RAP1GAP2: variants seen among roughly 807,000 people sequenced by gnomAD.
RAP1GAP2 encodes rap1 GTPase-activating protein 2.
Under a neutral mutation model 95.0 loss-of-function variants are expected in RAP1GAP2, and 27 were observed. That is an observed-to-expected ratio of 0.28 (90% confidence interval 0.21 to 0.39). RAP1GAP2 has a LOEUF of 0.39. Ranked by LOEUF, RAP1GAP2 falls within the 10% of genes least tolerant of loss-of-function variation. The pLI, the probability that RAP1GAP2 is intolerant of heterozygous loss-of-function variation, is 1.00. For synonymous variants in RAP1GAP2, 373 were observed against 380.9 expected (o/e 0.98, Z 0.24); for missense variants, 771 against 970.0 (o/e 0.79, Z 2.72).
intron 2 of RAP1GAP2, among the ~76,000 whole-genome samples, chr17:2,891,885 G>A (rs1301557982): frequency 8.5e-6 from 1 of 117,536 alleles, no homozygotes; most frequent in Non-Finnish European, 1.6e-5. Context: ...GTGTAATGAT[G>A]TGATCTCGGC....
rs560705962 is a variant in RAP1GAP2, at chr17:2,853,976, G to A, written c.81-51308G>A. The stretch of plus-strand genomic sequence containing the variant: ...CGGGGACGCGGGCGGGCGAGGTCGG[G>A]CACCGCGGGCGGCCTCGCCATGTCC... On this transcript the variant is annotated intron_variant, in intron 2 of 24. Coordinates refer to ENST00000254695, the MANE Select transcript of RAP1GAP2 (RefSeq NM_015085.5). 5.1e-6 allele frequency: 5 copies of A among 983,972 alleles called. No individual in the cohort carries two copies. In the East Asian group the frequency reaches 5.7e-4, roughly 112 times the overall value. The allele number at this position is 983,972 out of a possible 1,614,324, so 61.0% of individuals were successfully genotyped here. A position where few individuals can be genotyped will look rare whatever the true frequency, so the allele number is the denominator to read the frequency against.
At chr17:2,876,633 G>A (rs957602300) in intron 2 of RAP1GAP2, among the ~76,000 whole-genome samples, 4 of 152,160 alleles carry the variant, frequency 2.6e-5, no homozygotes, top group Non-Finnish European at 4.4e-5. Flanking sequence ...GCAGGTTTCC[G>A]AGAGATGAGA....
At chr17:2,944,678 A>C (rs2043640231) in intron 3 of RAP1GAP2, among the ~76,000 whole-genome samples, 1 of 151,916 alleles carries the variant, frequency 6.6e-6, no homozygotes, top group Non-Finnish European at 1.5e-5. Flanking sequence ...TCCAGCTAGG[A>C]TTCTGATAGA....
Position 2,823,899 on chromosome 17 carries a change from G to A in RAP1GAP2, c.80+23349G>A, listed in dbSNP as rs182501623. ...AGCACTTTGGGAGGCCGAGGCGGGC[G>A]GATCACGAGGTCAGGAGATCGAGAC... On this transcript the variant is annotated intron_variant, in intron 2 of 24. Transcript: ENST00000254695. 5.8e-3 allele frequency among the ~76,000 whole-genome samples: 887 copies of A among 151,736 alleles called. 6 individuals carry two copies. Among genetic ancestry groups the A allele is most frequent in the African/African-American group, 0.019 (798 of 41,374 alleles).
At chr17:2,947,846 C>G (rs1030250038) in intron 3 of RAP1GAP2, among the ~76,000 whole-genome samples, 3 of 152,132 alleles carry the variant, frequency 2.0e-5, no homozygotes, top group African/African-American at 7.2e-5. Context: ...AATCCTTTTC[C>G]TTGGTCATGT....
At chr17:2,953,997 A>G (rs1567817583) in intron 3 of RAP1GAP2, among the ~76,000 whole-genome samples, 1 of 152,090 alleles carries the variant, frequency 6.6e-6, no homozygotes, top group East Asian at 1.9e-4. Flanking sequence ...CCAATCCCCC[A>G]TCCCCCTCAG....
rs35746716 is a variant in RAP1GAP2, at chr17:2,993,827, G to A, written c.915-1510G>A. ...AGGCGGGTGGATCGCTTGAGCCCAG[G>A]AGTTTGAGACCAGCCTGGGCAACAT... is the stretch of plus-strand genomic sequence containing the variant. On this transcript the variant is annotated intron_variant, in intron 12 of 24. Transcript: ENST00000254695. Among the ~76,000 whole-genome samples the A allele has an allele frequency of 3.9e-5, 6 of 152,050 alleles. No individual in the cohort carries two copies. In the South Asian group the frequency reaches 1.2e-3, roughly 32 times the overall value.
In RAP1GAP2 at chr17:2,965,433, TCTTC is replaced by T; in HGVS notation, c.493-103_493-100del. 1.2e-6 allele frequency: 1 copy of T among 814,508 alleles called. No homozygotes were observed. Among genetic ancestry groups the T allele is most frequent in the Non-Finnish European group, 2.0e-6 (1 of 502,694 alleles). The allele number at this position is 814,508 out of a possible 1,614,324, so 50.5% of individuals were successfully genotyped here. A position where few individuals can be genotyped will look rare whatever the true frequency, so the allele number is the denominator to read the frequency against. On this transcript the variant is annotated intron_variant, in intron 7 of 24. Transcript: ENST00000254695. This position sits in a 1 kb window ranked among gnomAD's most constrained non-coding sequence, Gnocchi z 4.7. ...GTCATTGTCATCAGTAGCATCCTTC[TCTTC>T]CTTGTTGCTGTGGGGCTTCTCCTGG...
chr17:2,795,119 C>T (rs1230276091), upstream of RAP1GAP2, among the ~76,000 whole-genome samples: 1 of 151,822 alleles, frequency 6.6e-6, no homozygotes, highest in Non-Finnish European at 1.5e-5. Flanking sequence ...CTCAGGTGAT[C>T]CACCCGCGTT....
intron 1 of RAP1GAP2, among the ~76,000 whole-genome samples, chr17:2,760,962 CT>C (rs944540184): frequency 2.1e-5 from 3 of 140,366 alleles, no homozygotes; most frequent in Non-Finnish European, 3.1e-5. Flanking sequence ...CTTTCTTTTT[CT>C]TTTTTTTTGA....
chr17:2,965,304 G>A lies in RAP1GAP2; in HGVS notation c.493-236G>A, dbSNP rs1252672628. 1 of 545,148 alleles carries A rather than the reference G, an allele frequency of 1.8e-6. No individual in the cohort carries two copies. The highest frequency in any genetic ancestry group is 1.9e-5 in the African/African-American group (1 of 52,816). The allele number at this position is 545,148 out of a possible 1,614,324, so 33.8% of individuals were successfully genotyped here. A position where few individuals can be genotyped will look rare whatever the true frequency, so the allele number is the denominator to read the frequency against. ...GAAATGGGGATGATGTTCTCTCCCG[G>A]ATACAGCTGTGGTCAGGACTGAAGG... On this transcript the variant is annotated intron_variant, in intron 7 of 24. Coordinates refer to ENST00000254695, the MANE Select transcript of RAP1GAP2 (RefSeq NM_015085.5). The surrounding 1 kb of genome is among the most constrained non-coding windows in gnomAD (Gnocchi z 4.7).
chr17:2,992,111 A>G (rs1334086071), intron 12 of RAP1GAP2, among the ~76,000 whole-genome samples: 1 of 150,702 alleles, frequency 6.6e-6, no homozygotes, highest in Non-Finnish European at 1.5e-5. Context: ...CATCATGAGG[A>G]GCTGATGCAA....
intron 1 of RAP1GAP2, chr17:2,755,887 G>T (rs1478165446): frequency 3.4e-6 from 1 of 296,202 alleles, no homozygotes. Flanking sequence ...TGCGGGGCCC[G>T]GGTGGGCGGA....
At chr17:2,801,474 CAAA>C (rs55905445) in intron 2 of RAP1GAP2, among the ~76,000 whole-genome samples, 1 of 139,610 alleles carries the variant, frequency 7.2e-6, no homozygotes, top group African/African-American at 2.7e-5. Context: ...GACTCTGTCT[CAAA>C]AAAAAAAAAA....
intron 2 of RAP1GAP2, among the ~76,000 whole-genome samples, chr17:2,843,506 C>T (rs373928665): frequency 4.6e-5 from 7 of 152,058 alleles, no homozygotes; most frequent in South Asian, 2.1e-4. Flanking sequence ...AGGCTGGTCT[C>T]GAACTCCTGA....
rs1190915697 is a variant in RAP1GAP2 at position 2,810,088 on chromosome 17, C to G, written c.80+9538C>G. On this transcript the variant is annotated intron_variant, in intron 2 of 24. Coordinates refer to ENST00000254695, the MANE Select transcript of RAP1GAP2 (RefSeq NM_015085.5). ...TGAGAAGGCTCTGGGTGAGGCTATG[C>G]TGGGACCGGGGGCTGTGTGTGGAGC... Among the ~76,000 whole-genome samples, 4 of 136,640 alleles carry G rather than the reference C, an allele frequency of 2.9e-5. No individual in the cohort carries two copies. The Admixed American group carries it at 3.1e-4, about 11-fold the overall frequency. 89.6% of individuals were successfully genotyped at this position (136,640 alleles called of 152,430 possible). A position where few individuals can be genotyped will look rare whatever the true frequency, so the allele number is the denominator to read the frequency against.
intron 3 of RAP1GAP2, among the ~76,000 whole-genome samples, chr17:2,915,028 G>A (rs2042527216): frequency 6.6e-6 from 1 of 151,574 alleles, no homozygotes; most frequent in South Asian, 2.1e-4. Context: ...CTGACCTCGT[G>A]ATCCGCCCGC....
upstream of RAP1GAP2, among the ~76,000 whole-genome samples, chr17:2,795,430 C>A (rs941275188): frequency 6.6e-6 from 1 of 152,190 alleles, no homozygotes; most frequent in South Asian, 2.1e-4. Flanking sequence ...ACACGCTAGC[C>A]CTGTGGCATG....
chr17:2,963,289 G>C lies in RAP1GAP2; in HGVS notation c.247-141G>C. Reference sequence around the variant, plus strand: ...ATGGGGGATGTTAGATTCCAGAGCTGATTCTGAGCTGTTCTTCCATCGAAT... The same window carrying C: ...ATGGGGGATGTTAGATTCCAGAGCTCATTCTGAGCTGTTCTTCCATCGAAT... On this transcript the variant is annotated intron_variant, in intron 5 of 24. Transcript: ENST00000254695. The surrounding 1 kb of genome is among the most constrained non-coding windows in gnomAD (Gnocchi z 4.8). 1.1e-6 allele frequency: 1 copy of C among 947,248 alleles called. No individual in the cohort carries two copies. Among genetic ancestry groups the C allele is most frequent in the Non-Finnish European group, 1.7e-6 (1 of 586,846 alleles). 58.7% of individuals were successfully genotyped at this position (947,248 alleles called of 1,614,324 possible). A position where few individuals can be genotyped will look rare whatever the true frequency, so the allele number is the denominator to read the frequency against.
Sources: gnomAD v4.1 joint callset for allele counts (sites outside exome capture counted in the v4.1 genomes callset) on GRCh38, gnomAD v4.1.1 for gene constraint, Gnocchi (gnomAD v3.1) non-coding constraint, MANE v1.5 for transcripts, NCBI Gene and HGNC (gene_info 2026-07-23, HGNC 2026-07-21) for gene names.